The following PEX11G variants were observed in gnomAD, a reference collection of about 807,000 sequenced individuals.
PEX11G encodes peroxisomal membrane protein 11C.
A neutral mutation model predicts 22.5 loss-of-function variants in PEX11G; 20 were observed. The ratio of observed to expected loss-of-function variants is 0.89; its 90% CI spans 0.62 to 1.29. The LOEUF is 1.29. Among genes scored for constraint, PEX11G ranks in the 50% most tolerant of loss-of-function variants. The pLI is 0.00. For synonymous variants in PEX11G, 141 were observed against 154.5 expected, an observed-to-expected ratio of 0.91 and a Z score of 0.65; for missense variants, 347 against 331.3, an observed-to-expected ratio of 1.05 and a Z score of -0.37.
At chr19:7,481,884 G>T in intron 3 of PEX11G, 149 bp downstream of exon 3, 1 of 776,384 alleles carries the variant, frequency 1.3e-6, no homozygotes. Context: ...CCCACAAAAG[G>T]AAGAAACAAC....
chr19:7,494,558 C>G (rs1174132099), intron 1 of PEX11G, among the ~76,000 whole-genome samples: 1 of 152,232 alleles, frequency 6.6e-6, no homozygotes, highest in Non-Finnish European at 1.5e-5. Context: ...TGTGCCGGGT[C>G]CCGCTCTAGG....
chr19:7,485,869 A>G lies in PEX11G; in HGVS notation c.218T>C (p.Val73Ala), dbSNP rs773737936. ...LRLFDDLAMFVYTKQYGLGAQ... is the reference protein window; with the variant it reads ...LRLFDDLAMFAYTKQYGLGAQ... The stretch of plus-strand genomic sequence containing the variant: ...CCCCAGGCCATATTGCTTAGTGTAG[A>G]CAAACATGGCCAGGTCATCAAAGAG... Residue 73 changes from valine (V) to alanine (A), a missense_variant, in exon 2 of 5, where the codon GTC becomes GCC. Physicochemically the swap from Val to Ala is moderately conservative, Grantham distance 64. Coordinates refer to ENST00000221480, the MANE Select transcript of PEX11G (RefSeq NM_080662.4). 1 of 1,612,090 alleles carries G rather than the reference A, an allele frequency of 6.2e-7. No individual in the cohort carries two copies. The highest frequency in any genetic ancestry group is 1.1e-5 in the South Asian group (1 of 90,972).
chr19:7,484,216 T>G (rs1977643138), intron 2 of PEX11G, among the ~76,000 whole-genome samples: 1 of 151,250 alleles, frequency 6.6e-6, no homozygotes, highest in Non-Finnish European at 1.5e-5. Context: ...ATTAACCAGG[T>G]GTGGTGGTGC....
Position 7,488,989 on chromosome 19 carries a change from C to G in PEX11G, c.22G>C (p.Ala8Pro). The G allele has an allele frequency of 2.6e-6, 4 of 1,547,252 alleles. No individual in the cohort carries two copies. Among genetic ancestry groups the G allele is most frequent in the Non-Finnish European group, 3.5e-6 (4 of 1,149,414 alleles). MASLSGL[A>P]SALESYRGRD... Reference sequence around the variant, plus strand: ...CCCCTGTACGACTCCAGCGCCGACGCCAGGCCGCTCAGCGACGCCATGGCA... The same window carrying G: ...CCCCTGTACGACTCCAGCGCCGACGGCAGGCCGCTCAGCGACGCCATGGCA... The change falls in exon 1 of 5, where the codon GCG becomes CCG. Residue 8 changes from alanine to proline, a missense_variant. Coordinates refer to ENST00000221480, the MANE Select transcript of PEX11G (RefSeq NM_080662.4).
chr19:7,481,204 A>AT (rs140855654), intron 3 of PEX11G, among the ~76,000 whole-genome samples: 1,637 of 151,520 alleles, frequency 0.011, 31 homozygotes, highest in African/African-American at 0.035. Flanking sequence ...TAAGCTAAGG[A>AT]TTTTTTCTTT....
chr19:7,491,975 G>A (rs2021898181), upstream of PEX11G, among the ~76,000 whole-genome samples: 1 of 152,148 alleles, frequency 6.6e-6, no homozygotes, highest in Non-Finnish European at 1.5e-5. Context: ...ATGGTGTTGA[G>A]GTTTGTCTAA....
At chr19:7,489,166 GTT>G, upstream of PEX11G, 1 of 1,134,842 alleles carries the variant, frequency 8.8e-7, no homozygotes. Context: ...GAGGGACAGA[GTT>G]TGCAGAGGTG....
chr19:7,477,181 C>G lies in PEX11G; in HGVS notation c.*21G>C. ...GGCCCTCCGTGGGCTCTGGCTGTGT[C>G]CCTGTGCTCTTCCGGCAGTGTCAGG... On this transcript the variant is annotated 3_prime_UTR_variant, in exon 5 of 5. Coordinates refer to ENST00000221480, the MANE Select transcript of PEX11G (RefSeq NM_080662.4). 1 of 1,452,462 alleles carries G rather than the reference C, an allele frequency of 6.9e-7. No individual in the cohort carries two copies. The highest frequency in any genetic ancestry group is 9.1e-7 in the Non-Finnish European group (1 of 1,102,846). 90.0% of individuals were successfully genotyped at this position (1,452,462 alleles called of 1,614,324 possible). A position where few individuals can be genotyped will look rare whatever the true frequency, so the allele number is the denominator to read the frequency against.
chr19:7,494,104 G>T (rs1257084905), intron 1 of PEX11G, among the ~76,000 whole-genome samples: 3 of 151,948 alleles, frequency 2.0e-5, no homozygotes, highest in Non-Finnish European at 4.4e-5. Context: ...ATGGGGTTTT[G>T]CCCTGTTGGC....
rs1306227404 is a variant in PEX11G, at chr19:7,482,067, G to A, written c.394C>T (p.Leu132=). 1.3e-6 allele frequency: 2 copies of A among 1,598,870 alleles called. No individual in the cohort carries two copies. Among genetic ancestry groups the A allele is most frequent in the Non-Finnish European group, 8.5e-7 (1 of 1,174,326 alleles). The part of the protein sequence containing the change: ...SSRWWTLSTT[L]WALSLLLGVA... Reference sequence around the variant, plus strand: ...CCCAGGAGCAGAGAGAGGGCCCACAGGGTTGTACTCAGCGTCCACCACCGA... The same window carrying A: ...CCCAGGAGCAGAGAGAGGGCCCACAAGGTTGTACTCAGCGTCCACCACCGA... Residue 132 remains leucine, a synonymous_variant, in exon 3 of 5, where the codon CTG becomes TTG. Coordinates refer to ENST00000221480, the MANE Select transcript of PEX11G (RefSeq NM_080662.4).
At chr19:7,493,161 C>G (rs1189779434), upstream of PEX11G, 2 of 152,202 alleles carry the variant, frequency 1.3e-5, no homozygotes, top group Non-Finnish European at 2.9e-5. Context: ...GCCTTGTCCA[C>G]TCCTGTGATT....
chr19:7,494,753 C>A (rs2021947971), intron 1 of PEX11G, among the ~76,000 whole-genome samples: 1 of 152,176 alleles, frequency 6.6e-6, no homozygotes, highest in African/African-American at 2.4e-5. Context: ...TCCTGCTGGA[C>A]ATAAACAATC....
At chr19:7,493,517 G>A (rs1008544166), upstream of PEX11G, among the ~76,000 whole-genome samples, 2 of 140,832 alleles carry the variant, frequency 1.4e-5, no homozygotes, top group African/African-American at 5.3e-5. Context: ...CTTCTTGTTT[G>A]TTTTTGAGAC....
rs1043787344 is a variant in PEX11G, at chr19:7,476,965, G to C, written c.*237C>G. 12 of 411,016 alleles carry C rather than the reference G, an allele frequency of 2.9e-5. No individual in the cohort carries two copies. The East Asian group carries it at 4.3e-4, about 15-fold the overall frequency. The allele number at this position is 411,016 out of a possible 1,614,324, so 25.5% of individuals were successfully genotyped here. Reference sequence around the variant, plus strand: ...CCTCATCTTGATTTGGATACAAGACGCCAGCTGGCAGGCAGGAGGTGCTGC... The same window carrying C: ...CCTCATCTTGATTTGGATACAAGACCCCAGCTGGCAGGCAGGAGGTGCTGC... On this transcript the variant is annotated 3_prime_UTR_variant, in exon 5 of 5. Transcript: ENST00000221480.
chr19:7,480,676 C>CG (rs1336523764), intron 3 of PEX11G, among the ~76,000 whole-genome samples: 8 of 151,990 alleles, frequency 5.3e-5, no homozygotes, highest in African/African-American at 1.7e-4. Flanking sequence ...ACATCTGTGC[C>CG]GGGGGGAAAA....
chr19:7,490,490 A>ATT (rs59322811), upstream of PEX11G, among the ~76,000 whole-genome samples: 93 of 114,880 alleles, frequency 8.1e-4, no homozygotes, highest in African/African-American at 2.6e-3. Context: ...CGCCTGGGTA[A>ATT]TTTTTTTTTT....
intron 2 of PEX11G, among the ~76,000 whole-genome samples, chr19:7,482,844 G>A (rs1284616744): frequency 6.6e-6 from 1 of 152,242 alleles, no homozygotes; most frequent in Non-Finnish European, 1.5e-5. Context: ...AGGCTCTCAG[G>A]GAAAGCCGCT....
intron 2 of PEX11G, among the ~76,000 whole-genome samples, chr19:7,484,445 C>T (rs1252611276): frequency 2.6e-5 from 4 of 151,826 alleles, no homozygotes; most frequent in Admixed American, 2.0e-4. Flanking sequence ...TTTGCCTATG[C>T]GAGTACAGGA....
rs186316054 is a variant in PEX11G, at chr19:7,487,845, A to G, written c.60+1106T>C. On this transcript the variant is annotated intron_variant, in intron 1 of 4. Transcript: ENST00000221480. ...CAAAACACTGCAATCTGAATGTTCA[A>G]CTCGGGGGAGATTTGTTAACCCACC... Among the ~76,000 whole-genome samples, 70 of 152,274 alleles carry G rather than the reference A, an allele frequency of 4.6e-4. 1 individual carries two copies. The highest frequency in any genetic ancestry group is 1.6e-3 in the African/African-American group (67 of 41,548).
Sources: allele counts gnomAD v4.1 joint callset (sites outside exome capture counted in the v4.1 genomes callset), GRCh38; gene constraint gnomAD v4.1.1; transcripts MANE v1.5; gene names NCBI Gene and HGNC (gene_info 2026-07-23, HGNC 2026-07-21).